BRD2: variants seen among roughly 807,000 people sequenced by gnomAD.
BRD2 encodes the protein bromodomain-containing protein 2.
In BRD2, 15 loss-of-function variants were observed where a neutral mutation model predicts 79.1. The observed-to-expected ratio is 0.19, with a 90% CI of 0.13 to 0.29. The LOEUF (loss-of-function observed/expected upper bound fraction) is 0.29. Among genes scored for constraint, BRD2 ranks in the 10% least tolerant of loss-of-function variants. The pLI is 1.00. For synonymous variants in BRD2, 488 were observed against 358.6 expected (o/e 1.36, Z -4.08); for missense variants, 1,053 against 991.3 (o/e 1.06, Z -0.84).
Position 32,975,461 on chromosome 6 carries a change from T to C in BRD2, c.411T>C (p.Ala137=). 6.2e-7 allele frequency: 1 copy of C among 1,612,824 alleles called. No homozygotes were observed. The highest frequency in any genetic ancestry group is 2.2e-5 in the East Asian group (1 of 44,880). Residue 137 remains alanine (A), a synonymous_variant, in exon 4 of 13, where the codon GCT becomes GCC. Coordinates refer to ENST00000374825, the MANE Select transcript of BRD2 (RefSeq NM_005104.4). ...KRRLENNYYW[A]ASECMQDFNT... ...GACTTGAAAACAATTATTATTGGGC[T>C]GCTTCAGAGTGTATGCAAGATTTTA...
rs779198098 is a variant in BRD2 at position 32,976,130 on chromosome 6, A to C, written c.571A>C (p.Ile191Leu). 6.2e-7 allele frequency: 1 copy of C among 1,612,936 alleles called. No homozygotes were observed. Among genetic ancestry groups the C allele is most frequent in the Non-Finnish European group, 8.5e-7 (1 of 1,179,988 alleles). The change falls in exon 5 of 13, where the codon ATC becomes CTC. Residue 191 changes from isoleucine to leucine, a missense_variant. Ile to Leu is a conservative substitution (Grantham distance 5, BLOSUM62 2). Transcript: ENST00000374825. ...AGAAGAACAAGAGCTGGTAGTGACCATCCCTAAGAACAGCCACAAGAAGGG... is the reference window on the plus strand; with the variant it reads ...AGAAGAACAAGAGCTGGTAGTGACCCTCCCTAAGAACAGCCACAAGAAGGG... ...PQEEQELVVT[I>L]PKNSHKKGAK...
Position 32,980,746 on chromosome 6 carries a change from C to T in BRD2, c.*28C>T. On this transcript the variant is annotated 3_prime_UTR_variant, in exon 13 of 13. Coordinates refer to ENST00000374825, the MANE Select transcript of BRD2 (RefSeq NM_005104.4). ...GGTCAGGCCAGATGGGGCAGGAAGG[C>T]TCCGCAGGACCGGACCCCTAGACCA... The T allele has an allele frequency of 6.2e-7, 1 of 1,611,312 alleles. No individual in the cohort carries two copies. The highest frequency in any genetic ancestry group is 8.5e-7 in the Non-Finnish European group (1 of 1,179,902).
At chr6:32,969,943 G>C (rs1045465540) in intron 1 of BRD2, among the ~76,000 whole-genome samples, 35 of 152,290 alleles carry the variant, frequency 2.3e-4, no homozygotes, top group Admixed American at 3.3e-4. Flanking sequence ...GAACGGAAAG[G>C]AGGAAAGAGT....
At position 32,972,798 on chromosome 6, in the gene BRD2, TC is replaced by T; in HGVS notation, c.-95del. The T allele has an allele frequency of 1.9e-6, 3 of 1,573,274 alleles. No individual in the cohort carries two copies. The highest frequency in any genetic ancestry group is 1.1e-5 in the South Asian group (1 of 90,372). On this transcript the variant is annotated 5_prime_UTR_variant, in exon 2 of 13. Coordinates refer to ENST00000374825, the MANE Select transcript of BRD2 (RefSeq NM_005104.4). Reference sequence around the variant, plus strand: ...GCCTGGAGGCCCAAGAGGAACGGCCTCCCCCCAACTTAGCGGGTTATGCTGG... The same window carrying T: ...GCCTGGAGGCCCAAGAGGAACGGCCTCCCCCAACTTAGCGGGTTATGCTGG...
At chr6:32,973,160 G>A (rs1357527689) in intron 2 of BRD2, 2 of 1,545,146 alleles carry the variant, frequency 1.3e-6, no homozygotes, top group Non-Finnish European at 8.7e-7. Flanking sequence ...TAATGCCGCC[G>A]TGGCCCAGTC....
In BRD2 at chr6:32,980,462, A is replaced by C; in HGVS notation, c.2267A>C (p.Lys756Thr). 6.2e-7 allele frequency: 1 copy of C among 1,613,048 alleles called. No homozygotes were observed. The change falls in exon 12 of 13, where the codon AAA (lysine) becomes ACA (threonine). Residue 756 changes from lysine (K) to threonine (T), a missense_variant and splice_region_variant. Physicochemically the swap from Lys to Thr is moderately conservative, Grantham distance 78 (BLOSUM62 -1). Transcript: ENST00000374825. ...QLNSTKKPPK[K>T]ANEKTESSSA... ...AATTCTACTAAAAAGCCCCCCAAGA[A>C]AGGTGAGTATATACTTTCATGCCAC...
In BRD2 at chr6:32,971,700, GT is replaced by G; in HGVS notation, c.-1196del. The stretch of plus-strand genomic sequence containing the variant: ...AGGCTACGCCCACGCGACCCCTCCC[GT>G]TTCCCTGCTTTGGCCAATGGAGGAG... On this transcript the variant is annotated 5_prime_UTR_variant, in exon 2 of 13. It removes the in-frame stop codon of an upstream open reading frame in the 5' UTR. Coordinates refer to ENST00000374825, the MANE Select transcript of BRD2 (RefSeq NM_005104.4). 9.6e-6 allele frequency: 5 copies of G among 519,468 alleles called. No individual in the cohort carries two copies. The highest frequency in any genetic ancestry group is 1.7e-5 in the Non-Finnish European group (5 of 295,050). The allele number at this position is 519,468 out of a possible 1,614,324, so 32.2% of individuals were successfully genotyped here.
intron 1 of BRD2, chr6:32,969,404 G>C (rs2127495721): frequency 7.0e-6 from 5 of 715,292 alleles, no homozygotes; most frequent in African/African-American, 1.7e-5. Flanking sequence ...GCGGTGGGCT[G>C]AGGAGTGGTG....
Position 32,972,649 on chromosome 6 carries a change from G to A in BRD2, c.-250G>A, listed in dbSNP as rs1778168627. The A allele has an allele frequency of 5.0e-6, 3 of 602,464 alleles. No homozygotes were observed. The highest frequency in any genetic ancestry group is 2.9e-6 in the Non-Finnish European group (1 of 339,932). 37.3% of individuals were successfully genotyped at this position (602,464 alleles called of 1,614,324 possible). A position where few individuals can be genotyped will look rare whatever the true frequency, so the allele number is the denominator to read the frequency against. ...AGAGTCAGTCCCTCCTTAGTTGCCC[G>A]CCTCAGCTGAGGCCGCCGCCATTTT... On this transcript the variant is annotated 5_prime_UTR_variant, in exon 2 of 13. Coordinates refer to ENST00000374825, the MANE Select transcript of BRD2 (RefSeq NM_005104.4).
At position 32,977,579 on chromosome 6, in the gene BRD2, A is replaced by G. The variant is rs1399648316; in HGVS notation, c.1329+9A>G. On this transcript the variant is annotated intron_variant, in intron 8 of 12. Transcript: ENST00000374825. ...TGGCACGAAAGCTACAGGTGAGTGG[A>G]AAGGTTGGAGTTTGAAAAATAAATG... 28 of 1,613,656 alleles carry G rather than the reference A, an allele frequency of 1.7e-5. No individual in the cohort carries two copies. The highest frequency in any genetic ancestry group is 1.3e-4 in the Admixed American group (8 of 59,978).
Position 32,972,105 on chromosome 6 carries a change from G to A in BRD2, c.-794G>A. On this transcript the variant is annotated 5_prime_UTR_variant, in exon 2 of 13. Transcript: ENST00000374825. The stretch of plus-strand genomic sequence containing the variant: ...GTGAGCGAGCGCGCGCGCGCGGAGG[G>A]GGTGGGGAAAAGCTCAAGCAGGGTG... The A allele has an allele frequency of 1.4e-6, 1 of 693,088 alleles. No homozygotes were observed. The highest frequency in any genetic ancestry group is 2.6e-6 in the Non-Finnish European group (1 of 379,768). 42.9% of individuals were successfully genotyped at this position (693,088 alleles called of 1,614,324 possible).
rs868470222 is a variant in BRD2 at position 32,972,421 on chromosome 6, C to T, written c.-478C>T. 1 of 300,666 alleles carries T rather than the reference C, an allele frequency of 3.3e-6. No homozygotes were observed. Among genetic ancestry groups the T allele is most frequent in the Non-Finnish European group, 6.4e-6 (1 of 156,724 alleles). The allele number at this position is 300,666 out of a possible 1,614,324, so 18.6% of individuals were successfully genotyped here. ...CCCCGCCCAATCCTCGGAGTCTGTC[C>T]ACCCCCTCTACTCCGCCCTCAAGAG... On this transcript the variant is annotated 5_prime_UTR_variant, in exon 2 of 13. Coordinates refer to ENST00000374825, the MANE Select transcript of BRD2 (RefSeq NM_005104.4).
chr6:32,976,627 T>G lies in BRD2; in HGVS notation c.891T>G (p.Gly297=). ...CACCTACAGCCATCTTGGCTCCTGG[T>G]TCTCCAGCTAGCCCTCCTGGGAGTC... The part of the protein sequence containing the change: ...TPTPTAILAP[G]SPASPPGSLE... The change falls in exon 7 of 13, where the codon GGT becomes GGG. Residue 297 remains glycine (G), a synonymous_variant. Coordinates refer to ENST00000374825, the MANE Select transcript of BRD2 (RefSeq NM_005104.4). 6.2e-7 allele frequency: 1 copy of G among 1,611,638 alleles called. No homozygotes were observed.
intron 1 of BRD2, chr6:32,970,205 G>T (rs115694032): frequency 0.042 from 6,351 of 152,702 alleles, 239 homozygotes; most frequent in African/African-American, 0.093. Context: ...AGGTTGGGCC[G>T]CTAGGGGGAG....
At chr6:32,978,497 G>A in intron 10 of BRD2, 109 bp downstream of exon 10, 1 of 1,510,214 alleles carries the variant, frequency 6.6e-7, no homozygotes, top group Admixed American at 2.2e-5. Context: ...AGATACAATA[G>A]GCTTTGAGCA....
chr6:32,970,881 GA>G (rs1341586025), intron 1 of BRD2: 1 of 152,298 alleles, frequency 6.6e-6, no homozygotes, highest in African/African-American at 2.4e-5. Flanking sequence ...GGGAGGGGAG[GA>G]GGGGAGGAGG....
intron 1 of BRD2, chr6:32,971,270 G>A (rs998552259): frequency 7.8e-6 from 2 of 257,180 alleles, no homozygotes; most frequent in African/African-American, 4.4e-5. Context: ...GGGTTGCCGA[G>A]GATTTTTCGA....
chr6:32,973,467 G>A (rs1582891819), intron 2 of BRD2, among the ~76,000 whole-genome samples: 1 of 152,126 alleles, frequency 6.6e-6, no homozygotes, highest in East Asian at 1.9e-4. Flanking sequence ...TGTGGTGTTT[G>A]TTGGTGCAGG....
At position 32,979,844 on chromosome 6, in the gene BRD2, A is replaced by G. The variant is rs778605207; in HGVS notation, c.1858A>G (p.Thr620Ala). ...TGCCCTTAGGCTCCCCAAAAAGGCC[A>G]CAAAGACAGCCCCACCTGCCCTGCC... ...GSGTKLPKKA[T>A]KTAPPALPTG... The change falls in exon 11 of 13, where the codon ACA (threonine) becomes GCA (alanine). Residue 620 changes from threonine to alanine, a missense_variant. Thr to Ala is a moderately conservative substitution (Grantham distance 58). This residue lies in a region of BRD2 where 454 missense variants were observed against 430.5 expected (regional missense o/e 1.05). Transcript: ENST00000374825. The G allele has an allele frequency of 2.5e-6, 4 of 1,612,086 alleles. No homozygotes were observed. The highest frequency in any genetic ancestry group is 2.5e-6 in the Non-Finnish European group (3 of 1,179,394).
Sources: allele counts gnomAD v4.1 joint callset (sites outside exome capture counted in the v4.1 genomes callset), GRCh38; gene constraint gnomAD v4.1.1; regional missense constraint gnomAD v4.1.1; transcripts MANE v1.5; gene names NCBI Gene and HGNC (gene_info 2026-07-23, HGNC 2026-07-21).